UVRAG: variants seen among roughly 807,000 people sequenced by gnomAD.
UVRAG encodes UV radiation resistance-associated gene protein.
UVRAG carries 19 observed loss-of-function variants against 78.0 expected under a neutral mutation model. The observed-to-expected ratio is 0.24, with a 90% CI of 0.17 to 0.36. The LOEUF (loss-of-function observed/expected upper bound fraction) is 0.36, where lower values mean the gene tolerates loss of function less well. Among genes scored for constraint, UVRAG ranks in the 10% least tolerant of loss-of-function variants. The pLI is 1.00. For missense variants in UVRAG, 740 were observed against 853.8 expected (o/e 0.87, Z 1.66); for synonymous variants, 323 against 324.6 (o/e 1.00, Z 0.05).
chr11:75,817,244 G>C (rs1012753690), intron 1 of UVRAG, among the ~76,000 whole-genome samples: 4 of 152,200 alleles, frequency 2.6e-5, no homozygotes, highest in Non-Finnish European at 5.9e-5. Flanking sequence ...AAGGAGTTCA[G>C]GGGCCAAGAA....
chr11:75,819,488 C>T (rs1179520861), intron 1 of UVRAG, among the ~76,000 whole-genome samples: 1 of 152,056 alleles, frequency 6.6e-6, no homozygotes, highest in Non-Finnish European at 1.5e-5. Flanking sequence ...GCTGGGATCA[C>T]AGGCTGTGCC....
chr11:76,026,705 T>A (rs1249603181), intron 12 of UVRAG, among the ~76,000 whole-genome samples: 1 of 152,164 alleles, frequency 6.6e-6, no homozygotes, highest in Non-Finnish European at 1.5e-5. Flanking sequence ...TACATTGACT[T>A]GAGGCAGTGG....
At chr11:75,917,000 A>T (rs945271165) in intron 6 of UVRAG, among the ~76,000 whole-genome samples, 6 of 152,228 alleles carry the variant, frequency 3.9e-5, no homozygotes, top group African/African-American at 1.4e-4. Flanking sequence ...GGAATGTTAC[A>T]AACCTTGTGA....
chr11:75,828,618 A>T (rs112112068), intron 1 of UVRAG, among the ~76,000 whole-genome samples: 7,547 of 150,314 alleles, frequency 0.05, 670 homozygotes, highest in African/African-American at 0.18. Context: ...AGCTGAGACT[A>T]CAGGCACGCA....
chr11:76,001,890 G>A (rs903029922), intron 8 of UVRAG, among the ~76,000 whole-genome samples: 1 of 152,188 alleles, frequency 6.6e-6, no homozygotes, highest in African/African-American at 2.4e-5. Flanking sequence ...GATGATTATG[G>A]AGGAATTACT....
chr11:76,078,311 GATGTT>G (rs1951436800), intron 13 of UVRAG, among the ~76,000 whole-genome samples: 1 of 152,096 alleles, frequency 6.6e-6, no homozygotes, highest in South Asian at 2.1e-4. Context: ...AACTTTTAAT[GATGTT>G]ATGTTTTGCT....
intron 12 of UVRAG, among the ~76,000 whole-genome samples, chr11:76,043,602 A>T (rs780142212): frequency 4.6e-5 from 7 of 152,214 alleles, no homozygotes; most frequent in Non-Finnish European, 8.8e-5. Flanking sequence ...CAAAAAACTT[A>T]TGTAAGTATT....
chr11:76,025,031 G>A (rs183699991), intron 12 of UVRAG, among the ~76,000 whole-genome samples: 240 of 152,266 alleles, frequency 1.6e-3, no homozygotes, highest in African/African-American at 5.6e-3. Flanking sequence ...GCTCTATTTA[G>A]CCAGTTTTGC....
chr11:76,020,808 A>C (rs1006090065), intron 12 of UVRAG, among the ~76,000 whole-genome samples: 11 of 152,054 alleles, frequency 7.2e-5, no homozygotes, highest in African/African-American at 2.7e-4. Flanking sequence ...TGCAGTCTTC[A>C]CAGCCTAGAC....
At chr11:76,110,275 T>C (rs775931559) in intron 13 of UVRAG, among the ~76,000 whole-genome samples, 1 of 151,208 alleles carries the variant, frequency 6.6e-6, no homozygotes, top group Non-Finnish European at 1.5e-5. Flanking sequence ...GCACTTATGA[T>C]GTACCAGATA....
chr11:76,037,673 C>T (rs1438102437), intron 12 of UVRAG, among the ~76,000 whole-genome samples: 3 of 151,974 alleles, frequency 2.0e-5, no homozygotes, highest in African/African-American at 7.3e-5. Context: ...GTTCACACCA[C>T]TACACTCCAG....
chr11:76,140,600 T>A lies in UVRAG; in HGVS notation c.1398-111T>A, dbSNP rs565768532. 3.8e-6 allele frequency: 4 copies of A among 1,058,860 alleles called. No individual in the cohort carries two copies. The East Asian group carries it at 9.9e-5, about 26-fold the overall frequency. The allele number at this position is 1,058,860 out of a possible 1,614,324, so 65.6% of individuals were successfully genotyped here. A position where few individuals can be genotyped will look rare whatever the true frequency, so the allele number is the denominator to read the frequency against. On this transcript the variant is annotated intron_variant, in intron 14 of 14. Coordinates refer to ENST00000356136, the MANE Select transcript of UVRAG (RefSeq NM_003369.4). ...AACTATTGTCTAAGATTGATTCTTATCTATTTTTATTAGCTCAGACCTAAG... is the reference window on the plus strand; with the variant it reads ...AACTATTGTCTAAGATTGATTCTTAACTATTTTTATTAGCTCAGACCTAAG...
chr11:75,865,474 T>A (rs1179139220), intron 3 of UVRAG, among the ~76,000 whole-genome samples: 1 of 152,192 alleles, frequency 6.6e-6, no homozygotes, highest in Non-Finnish European at 1.5e-5. Context: ...ACTGGCCACA[T>A]GTGGCCATTG....
chr11:75,967,528 A>G (rs1010258192), intron 7 of UVRAG, among the ~76,000 whole-genome samples: 1 of 152,186 alleles, frequency 6.6e-6, no homozygotes, highest in Non-Finnish European at 1.5e-5. Flanking sequence ...GGGGGGAAGA[A>G]TTACTACAGG....
chr11:76,124,570 A>T (rs1373294245), intron 14 of UVRAG, among the ~76,000 whole-genome samples: 2 of 152,242 alleles, frequency 1.3e-5, no homozygotes, highest in African/African-American at 4.8e-5. Context: ...CAGTGACCTT[A>T]GTAAGGATAG....
intron 12 of UVRAG, among the ~76,000 whole-genome samples, chr11:76,040,579 C>A (rs185934788): frequency 6.6e-6 from 1 of 151,312 alleles, no homozygotes; most frequent in Middle Eastern, 3.4e-3. Context: ...GGGGCGGGGA[C>A]GGAGTTTTGC....
At chr11:76,035,614 A>C (rs1382017827) in intron 12 of UVRAG, among the ~76,000 whole-genome samples, 1 of 152,222 alleles carries the variant, frequency 6.6e-6, no homozygotes, top group Non-Finnish European at 1.5e-5. Flanking sequence ...TAAATGTTTA[A>C]TTAGTACATA....
At chr11:75,905,877 C>G (rs1302419319) in intron 5 of UVRAG, among the ~76,000 whole-genome samples, 2 of 151,868 alleles carry the variant, frequency 1.3e-5, no homozygotes, top group African/African-American at 4.8e-5. Context: ...TTTTGAGGAA[C>G]TGCTAAACTT....
At chr11:76,115,869 T>C in intron 13 of UVRAG, 55 bp from the exon 14 acceptor site, 2 of 1,530,338 alleles carry the variant, frequency 1.3e-6, no homozygotes, top group Non-Finnish European at 1.8e-6. Flanking sequence ...GGTTCATTTT[T>C]CCGAAGCTTA....
Sources: gnomAD v4.1 joint callset for allele counts (sites outside exome capture counted in the v4.1 genomes callset) on GRCh38, gnomAD v4.1.1 for gene constraint, MANE v1.5 for transcripts, NCBI Gene and HGNC (gene_info 2026-07-23, HGNC 2026-07-21) for gene names.